The following KCTD16 variants were observed in gnomAD, a reference collection of about 807,000 sequenced individuals.
The protein encoded by KCTD16 is BTB/POZ domain-containing protein KCTD16.
Under a neutral mutation model 33.2 loss-of-function variants are expected in KCTD16, and 13 were observed. The observed-to-expected ratio is 0.39, with a 90% CI of 0.25 to 0.62. The LOEUF is 0.62. Among genes scored for constraint, KCTD16 ranks in the 20% least tolerant of loss-of-function variants. The pLI, the probability that KCTD16 is intolerant of heterozygous loss-of-function variation, is 0.50. For synonymous variants in KCTD16, 197 were observed against 195.3 expected, an observed-to-expected ratio of 1.01 and a Z score of -0.07; for missense variants, 441 against 525.1, an observed-to-expected ratio of 0.84 and a Z score of 1.57.
chr5:144,251,071 G>A (rs139284234), intron 3 of KCTD16, among the ~76,000 whole-genome samples: 158 of 152,276 alleles, frequency 1.0e-3, no homozygotes, highest in African/African-American at 3.7e-3. Context: ...GGATGTATGG[G>A]GAAGTGGCCA....
intron 3 of KCTD16, among the ~76,000 whole-genome samples, chr5:144,436,403 T>C (rs1174300271): frequency 6.6e-6 from 1 of 152,100 alleles, no homozygotes; most frequent in Admixed American, 6.5e-5. Flanking sequence ...CCCTCTGACC[T>C]CATTTTGTAA....
At chr5:144,234,816 A>G (rs555253259) in intron 3 of KCTD16, among the ~76,000 whole-genome samples, 47 of 152,168 alleles carry the variant, frequency 3.1e-4, no homozygotes, top group Non-Finnish European at 5.3e-4. Context: ...GCATATATGT[A>G]TATATGTGTG....
rs1561618146 is a variant in KCTD16, at chr5:144,465,187, C to CCG, written c.833-8472_833-8471insGC. On this transcript the variant is annotated intron_variant, in intron 3 of 3. Coordinates refer to ENST00000512467, the MANE Select transcript of KCTD16 (RefSeq NM_020768.4). ...CACATACATAGTCTCTCTCTCCCCC[C>CCG]CCTCTCTCTCTCACTCTCTCTCTCT... is the stretch of plus-strand genomic sequence containing the variant. 4.5e-5 allele frequency among the ~76,000 whole-genome samples: 5 copies of CCG among 111,820 alleles called. 1 individual carries two copies. The highest frequency in any genetic ancestry group is 5.4e-5 in the Non-Finnish European group (3 of 55,272). The allele number at this position is 111,820 out of a possible 152,430, so 73.4% of individuals were successfully genotyped here. A position where few individuals can be genotyped will look rare whatever the true frequency, so the allele number is the denominator to read the frequency against.
At chr5:144,286,378 A>G (rs530351971) in intron 3 of KCTD16, among the ~76,000 whole-genome samples, 1 of 152,336 alleles carries the variant, frequency 6.6e-6, no homozygotes, top group African/African-American at 2.4e-5. Context: ...CTTCATCTAT[A>G]AAAGTGTATG....
At chr5:144,269,056 G>T (rs1755224765) in intron 3 of KCTD16, among the ~76,000 whole-genome samples, 1 of 152,024 alleles carries the variant, frequency 6.6e-6, no homozygotes, top group Admixed American at 6.6e-5. Context: ...ACCAGAGTAA[G>T]AAAAGATTAC....
At chr5:144,301,862 G>A (rs1202115653) in intron 3 of KCTD16, among the ~76,000 whole-genome samples, 1 of 152,092 alleles carries the variant, frequency 6.6e-6, no homozygotes. Context: ...GTGGAAACAA[G>A]AAAATTCAGA....
intron 3 of KCTD16, among the ~76,000 whole-genome samples, chr5:144,278,306 A>C (rs1018513476): frequency 6.6e-6 from 1 of 151,986 alleles, no homozygotes; most frequent in Non-Finnish European, 1.5e-5. Context: ...CTCATCAAAA[A>C]AATTTGTGTG....
At chr5:144,179,076 CTT>C (rs1011029625) in intron 2 of KCTD16, among the ~76,000 whole-genome samples, 1 of 152,204 alleles carries the variant, frequency 6.6e-6, no homozygotes, top group Non-Finnish European at 1.5e-5. Context: ...ATTCCCCACT[CTT>C]TGACTTTACA....
At chr5:144,297,167 T>A (rs1254433309) in intron 3 of KCTD16, among the ~76,000 whole-genome samples, 1 of 152,138 alleles carries the variant, frequency 6.6e-6, no homozygotes, top group Non-Finnish European at 1.5e-5. Context: ...CTTTTACACG[T>A]TTGAGTTTCT....
At chr5:144,303,357 G>A (rs1418282233) in intron 3 of KCTD16, among the ~76,000 whole-genome samples, 1 of 152,132 alleles carries the variant, frequency 6.6e-6, no homozygotes, top group Non-Finnish European at 1.5e-5. Context: ...TAGCTTTATA[G>A]GCTTGTGAGA....
rs138568454 is a variant in KCTD16, at chr5:144,471,309, G to T, written c.833-2351G>T. On this transcript the variant is annotated intron_variant, in intron 3 of 3. Coordinates refer to ENST00000512467, the MANE Select transcript of KCTD16 (RefSeq NM_020768.4). ...AAGGTGACTGACTCTTGGACAAAAA[G>T]ACAGCAATTGCTTCTCTACTTGTTC... Among the ~76,000 whole-genome samples the T allele has an allele frequency of 2.8e-3, 423 of 152,302 alleles. 4 individuals are homozygous for T. The highest frequency in any genetic ancestry group is 9.3e-3 in the African/African-American group (388 of 41,574).
chr5:144,343,759 C>G (rs1415028034), intron 3 of KCTD16, among the ~76,000 whole-genome samples: 1 of 152,126 alleles, frequency 6.6e-6, no homozygotes, highest in Non-Finnish European at 1.5e-5. Flanking sequence ...GAATGTGTCC[C>G]AGAGATTCTG....
intron 3 of KCTD16, among the ~76,000 whole-genome samples, chr5:144,277,800 ACTT>A (rs1755478977): frequency 6.6e-6 from 1 of 152,158 alleles, no homozygotes; most frequent in Non-Finnish European, 1.5e-5. Context: ...TCTTTCATGT[ACTT>A]CTTTGCCATA....
At chr5:144,400,859 G>T (rs188909262) in intron 3 of KCTD16, among the ~76,000 whole-genome samples, 168 of 152,284 alleles carry the variant, frequency 1.1e-3, no homozygotes, top group Admixed American at 3.1e-3. Context: ...GACTTGGTGG[G>T]GAAGAAGTCA....
At chr5:144,309,040 A>G (rs1751685381) in intron 3 of KCTD16, among the ~76,000 whole-genome samples, 1 of 152,170 alleles carries the variant, frequency 6.6e-6, no homozygotes, top group Non-Finnish European at 1.5e-5. Context: ...TTGGGATCTA[A>G]CACAAGCTAA....
chr5:144,299,063 T>C (rs1756129731), intron 3 of KCTD16, among the ~76,000 whole-genome samples: 1 of 90,578 alleles, frequency 1.1e-5, no homozygotes, highest in African/African-American at 4.8e-5. Flanking sequence ...TATATATATA[T>C]ATATATATAT....
chr5:144,331,173 G>A (rs1356060719), intron 3 of KCTD16, among the ~76,000 whole-genome samples: 2 of 152,182 alleles, frequency 1.3e-5, no homozygotes, highest in African/African-American at 4.8e-5. Flanking sequence ...CAAAAGTTTA[G>A]TGAGTCCTTG....
At chr5:144,177,037 C>A (rs542235633) in intron 2 of KCTD16, among the ~76,000 whole-genome samples, 1 of 152,010 alleles carries the variant, frequency 6.6e-6, no homozygotes, top group African/African-American at 2.4e-5. Context: ...TTAATTAGGT[C>A]CCACTTGTCA....
At chr5:144,324,840 C>T (rs1430500402) in intron 3 of KCTD16, among the ~76,000 whole-genome samples, 1 of 152,208 alleles carries the variant, frequency 6.6e-6, no homozygotes, top group African/African-American at 2.4e-5. Flanking sequence ...AAACCAAACA[C>T]TGCATGTTCT....
Sources: gnomAD v4.1 joint callset for allele counts (sites outside exome capture counted in the v4.1 genomes callset) on GRCh38, gnomAD v4.1.1 for gene constraint, MANE v1.5 for transcripts, NCBI Gene and HGNC (gene_info 2026-07-23, HGNC 2026-07-21) for gene names.